The following ACSBG1 variants were observed in gnomAD, a reference collection of about 807,000 sequenced individuals.
The protein encoded by ACSBG1 is acyl-CoA synthetase bubblegum family member 1.
Under a neutral mutation model 80.2 loss-of-function variants are expected in ACSBG1, and 39 were observed. The observed-to-expected ratio is 0.49, with a 90% CI of 0.38 to 0.64. The LOEUF (loss-of-function observed/expected upper bound fraction) is 0.64, where lower values mean the gene tolerates loss of function less well. Ranked by LOEUF, ACSBG1 falls within the 30% of genes least tolerant of loss-of-function variation. ACSBG1 has a pLI of 0.00. For synonymous variants in ACSBG1, 392 were observed against 379.5 expected (o/e 1.03, Z -0.38); for missense variants, 828 against 966.4 (o/e 0.86, Z 1.90).
intron 2 of ACSBG1, among the ~76,000 whole-genome samples, chr15:78,202,236 G>C (rs1207321820): frequency 6.6e-6 from 1 of 152,050 alleles, no homozygotes; most frequent in African/African-American, 2.4e-5. Context: ...ATTTGAGACA[G>C]AGTCTTGCTC....
rs934935790 is a variant in ACSBG1 at position 78,169,073 on chromosome 15, C to T, written c.*2371G>A. The T allele has an allele frequency of 2.1e-6, 2 of 931,298 alleles. No homozygotes were observed. The highest frequency in any genetic ancestry group is 1.5e-5 in the South Asian group (1 of 65,334). The allele number at this position is 931,298 out of a possible 1,614,324, so 57.7% of individuals were successfully genotyped here. Reference sequence around the variant, plus strand: ...ACCACATGAACCTCTGTTTAGAATACCTACGTATGTATGCATTGGTTTGCT... The same window carrying T: ...ACCACATGAACCTCTGTTTAGAATATCTACGTATGTATGCATTGGTTTGCT... On this transcript the variant is annotated 3_prime_UTR_variant, in exon 14 of 14. Coordinates refer to ENST00000258873, the MANE Select transcript of ACSBG1 (RefSeq NM_015162.5).
rs1418597156 is a variant in ACSBG1, at chr15:78,180,928, C to T, written c.1080G>A (p.Leu360=). ...FAEPDALKGS[L]VNTLREVEPT... The stretch of plus-strand genomic sequence containing the variant: ...GCTCCACCTCCCGCAGCGTGTTCAC[C>T]AGGCTCCCCTGTTCACACCAGAAGA... Residue 360 remains leucine, a synonymous_variant, in exon 9 of 14, where the codon CTG becomes CTA. Transcript: ENST00000258873. The T allele has an allele frequency of 3.4e-5, 55 of 1,613,946 alleles. No homozygotes were observed. Among genetic ancestry groups the T allele is most frequent in the Non-Finnish European group, 4.6e-5 (54 of 1,179,874 alleles).
intron 5 of ACSBG1, among the ~76,000 whole-genome samples, chr15:78,187,624 AC>A (rs1249881777): frequency 6.6e-6 from 1 of 152,122 alleles, no homozygotes; most frequent in Non-Finnish European, 1.5e-5. Context: ...AAATTCAACA[AC>A]CCTTCATGAT....
chr15:78,202,367 C>T (rs764993361), intron 2 of ACSBG1, among the ~76,000 whole-genome samples: 15 of 152,080 alleles, frequency 9.9e-5, no homozygotes, highest in Admixed American at 5.9e-4. Context: ...CGTGACACCA[C>T]GCCCAGCTAA....
rs748922933 is a variant in ACSBG1, at chr15:78,172,439, C to A, written c.2090-910G>T. On this transcript the variant is annotated intron_variant, in intron 13 of 13. Coordinates refer to ENST00000258873, the MANE Select transcript of ACSBG1 (RefSeq NM_015162.5). The surrounding 1 kb of genome is among the most constrained non-coding windows in gnomAD (Gnocchi z 4.1). ...CCATGGTCTTTATGAGAGGTCTTCCCCTAATTACTTTTCTTAACCTTGATT... is the reference window on the plus strand; with the variant it reads ...CCATGGTCTTTATGAGAGGTCTTCCACTAATTACTTTTCTTAACCTTGATT... Among the ~76,000 whole-genome samples, 2 of 152,078 alleles carry A rather than the reference C, an allele frequency of 1.3e-5. No individual in the cohort carries two copies. The highest frequency in any genetic ancestry group is 2.9e-5 in the Non-Finnish European group (2 of 68,034).
chr15:78,181,823 C>T (rs2074948247), intron 8 of ACSBG1, 146 bp downstream of exon 8: 1 of 1,092,510 alleles, frequency 9.2e-7, no homozygotes, highest in South Asian at 1.6e-5. Flanking sequence ...TCATTCGAGT[C>T]AGGCTGTGCC....
chr15:78,186,350 C>A (rs2075004575), intron 5 of ACSBG1, among the ~76,000 whole-genome samples: 1 of 152,294 alleles, frequency 6.6e-6, no homozygotes, highest in South Asian at 2.1e-4. Flanking sequence ...GAACTCTCCA[C>A]CCCAAATCAA....
Position 78,178,352 on chromosome 15 carries a change from G to T in ACSBG1, c.1702+262C>A, listed in dbSNP as rs1030186411. On this transcript the variant is annotated intron_variant, in intron 11 of 13. Transcript: ENST00000258873. The surrounding 1 kb of genome is among the most constrained non-coding windows in gnomAD (Gnocchi z 4.3). ...CTAGCTCTGTCTCCCAGGCTGGTGT[G>T]CAAAGAGGCAATCTCAGCTCACTGC... Among the ~76,000 whole-genome samples the T allele has an allele frequency of 6.6e-6, 1 of 152,176 alleles. No individual in the cohort carries two copies. Among genetic ancestry groups the T allele is most frequent in the African/African-American group, 2.4e-5 (1 of 41,442 alleles).
chr15:78,217,579 T>G (rs1298801512), intron 1 of ACSBG1, among the ~76,000 whole-genome samples: 7 of 151,886 alleles, frequency 4.6e-5, no homozygotes, highest in African/African-American at 1.7e-4. Context: ...TTTTTTTTTT[T>G]TTTTGAGATG....
intron 5 of ACSBG1, among the ~76,000 whole-genome samples, chr15:78,192,881 G>A (rs2075068979): frequency 6.6e-6 from 1 of 152,144 alleles, no homozygotes; most frequent in African/African-American, 2.4e-5. Flanking sequence ...AAGGCTGTTG[G>A]GTTCAGCTGG....
intron 2 of ACSBG1, among the ~76,000 whole-genome samples, chr15:78,197,412 A>C (rs931466267): frequency 6.6e-6 from 1 of 152,130 alleles, no homozygotes; most frequent in African/African-American, 2.4e-5. Context: ...TAGCTCAATA[A>C]AGCTACTTAA....
intron 1 of ACSBG1, among the ~76,000 whole-genome samples, chr15:78,223,150 G>A (rs2075371876): frequency 6.6e-6 from 1 of 152,110 alleles, no homozygotes; most frequent in South Asian, 2.1e-4. Flanking sequence ...ATGCTTTTTG[G>A]ATCCCTGACC....
Position 78,171,684 on chromosome 15 carries a change from C to T in ACSBG1, c.2090-155G>A, listed in dbSNP as rs1017502210. On this transcript the variant is annotated intron_variant, in intron 13 of 13. Transcript: ENST00000258873. ...GCCAGCCTCCAAGACAGTGATCGCTCCTGGTATTCATATGGCTTGTGTGTA... is the reference window on the plus strand; with the variant it reads ...GCCAGCCTCCAAGACAGTGATCGCTTCTGGTATTCATATGGCTTGTGTGTA... The T allele has an allele frequency of 1.5e-5, 9 of 608,740 alleles. No individual in the cohort carries two copies. The African/African-American group carries it at 1.5e-4, about 10-fold the overall frequency. 37.7% of individuals were successfully genotyped at this position (608,740 alleles called of 1,614,324 possible).
In ACSBG1 at chr15:78,179,748, T is replaced by C; in HGVS notation, c.1286A>G (p.Asp429Gly). The C allele has an allele frequency of 6.2e-7, 1 of 1,613,722 alleles. No homozygotes were observed. Among genetic ancestry groups the C allele is most frequent in the Non-Finnish European group, 8.5e-7 (1 of 1,180,004 alleles). The change falls in exon 10 of 14, where the codon GAT becomes GGT. Residue 429 changes from aspartate (D) to glycine (G), a missense_variant. By Grantham distance (94) the Asp-to-Gly change is moderately conservative. Transcript: ENST00000258873. The part of the protein sequence containing the change: ...DLKPFTTRLA[D>G]YLVLAKVRQA... ...GCGAACCTTGGCTAGCACCAGGTAA[T>C]CTGCCAGTCTGGTTGTGAAGGGCTT...
rs745468594 is a variant in ACSBG1 at position 78,174,518 on chromosome 15, A to T, written c.1709T>A (p.Ile570Asn). 10 of 1,613,838 alleles carry T rather than the reference A, an allele frequency of 6.2e-6. No individual in the cohort carries two copies. Among genetic ancestry groups the T allele is most frequent in the Non-Finnish European group, 8.5e-6 (10 of 1,179,916 alleles). The change falls in exon 12 of 14, where the codon ATC becomes AAC. Residue 570 changes from isoleucine (I) to asparagine (N), a missense_variant. Ile to Asn is a moderately radical substitution (Grantham distance 149, BLOSUM62 -3). Around this residue, in one of 3 missense-constraint regions of ACSBG1, gnomAD observed 201 missense variants for 227.0 expected, o/e 0.89. Coordinates refer to ENST00000258873, the MANE Select transcript of ACSBG1 (RefSeq NM_015162.5). ...CACATTCTCCCCACCAGCTGTGATG[A>T]TTAATTCTGGGGAGGCAAGGCCAGG... ...LYITGRLKEL[I>N]ITAGGENVPP...
chr15:78,231,177 A>G (rs1392290583), intron 1 of ACSBG1, among the ~76,000 whole-genome samples: 1 of 151,938 alleles, frequency 6.6e-6, no homozygotes, highest in Non-Finnish European at 1.5e-5. Context: ...CTGGAGTGCA[A>G]TGGCACGATC....
intron 4 of ACSBG1, 24 bp from the exon 5 acceptor site, chr15:78,193,650 A>G: frequency 6.2e-7 from 1 of 1,604,476 alleles, no homozygotes; most frequent in African/African-American, 1.3e-5. Context: ...AGGAAGATTC[A>G]CCTTAGGGGA....
rs141052249 is a variant in ACSBG1 at position 78,201,131 on chromosome 15, A to G, written c.233-6405T>C. Among the ~76,000 whole-genome samples the G allele has an allele frequency of 9.2e-3, 1,395 of 152,296 alleles. 24 individuals carry two copies. The highest frequency in any genetic ancestry group is 0.031 in the African/African-American group (1,272 of 41,562). On this transcript the variant is annotated intron_variant, in intron 2 of 13. Coordinates refer to ENST00000258873, the MANE Select transcript of ACSBG1 (RefSeq NM_015162.5). ...CCTGAGCCTAATGGAGGATGGGGTCATGGTCGGGGCTGCCTCTCCCACCAC... is the reference window on the plus strand; with the variant it reads ...CCTGAGCCTAATGGAGGATGGGGTCGTGGTCGGGGCTGCCTCTCCCACCAC...
chr15:78,197,154 A>G (rs2075121643), intron 2 of ACSBG1, among the ~76,000 whole-genome samples: 1 of 152,204 alleles, frequency 6.6e-6, no homozygotes, highest in Non-Finnish European at 1.5e-5. Context: ...GATGAAACTC[A>G]AAAACATGTT....
Sources: allele counts gnomAD v4.1 joint callset (sites outside exome capture counted in the v4.1 genomes callset), GRCh38; gene constraint gnomAD v4.1.1; regional missense constraint gnomAD v4.1.1; non-coding constraint Gnocchi (gnomAD v3.1); transcripts MANE v1.5; gene names NCBI Gene and HGNC (gene_info 2026-07-23, HGNC 2026-07-21).